MAGI2: variants seen among roughly 807,000 people sequenced by gnomAD.
MAGI2 encodes the protein membrane associated guanylate kinase, WW and PDZ domain containing 2, also known as membrane-associated guanylate kinase, WW and PDZ domain-containing protein 2.
A neutral mutation model predicts 133.3 loss-of-function variants in MAGI2; 35 were observed. The ratio of observed to expected loss-of-function variants is 0.26; its 90% CI spans 0.20 to 0.35. MAGI2 has a LOEUF of 0.35. Ranked by LOEUF, MAGI2 falls within the 10% of genes least tolerant of loss-of-function variation. The pLI is 1.00. For missense variants in MAGI2, 1,636 were observed against 1,863.4 expected (o/e 0.88, Z 2.25); for synonymous variants, 729 against 710.6 (o/e 1.03, Z -0.41).
intron 1 of MAGI2, among the ~76,000 whole-genome samples, chr7:79,108,537 G>A (rs144432477): frequency 2.0e-5 from 3 of 152,272 alleles, no homozygotes; most frequent in Non-Finnish European, 4.4e-5. Flanking sequence ...AATCCTGATT[G>A]TGATTAATAC....
intron 3 of MAGI2, among the ~76,000 whole-genome samples, chr7:78,571,552 A>AT: frequency 6.6e-6 from 1 of 152,204 alleles, no homozygotes; most frequent in Admixed American, 6.5e-5. Flanking sequence ...ACTTTCAGTC[A>AT]TTTTTAATAG....
intron 2 of MAGI2, among the ~76,000 whole-genome samples, chr7:78,631,354 T>C (rs1188116254): frequency 6.6e-6 from 1 of 152,160 alleles, no homozygotes; most frequent in East Asian, 1.9e-4. Flanking sequence ...CGATCTGTAC[T>C]GTCTCTGATC....
At chr7:79,025,815 A>C (rs1809828945) in intron 1 of MAGI2, among the ~76,000 whole-genome samples, 1 of 152,236 alleles carries the variant, frequency 6.6e-6, no homozygotes. Context: ...ACAAAATGGC[A>C]GAAAGACCTA....
At chr7:79,147,172 A>G (rs1822724605) in intron 1 of MAGI2, among the ~76,000 whole-genome samples, 1 of 152,240 alleles carries the variant, frequency 6.6e-6, no homozygotes, top group Non-Finnish European at 1.5e-5. Flanking sequence ...GTAAGTTAAT[A>G]CATGCAAAGA....
Position 78,312,790 on chromosome 7 carries a change from G to T in MAGI2, c.1408+30988C>A, listed in dbSNP as rs533180754. Among the ~76,000 whole-genome samples the T allele has an allele frequency of 1.4e-3, 210 of 151,606 alleles. 3 individuals are homozygous for T. The highest frequency in any genetic ancestry group is 4.8e-3 in the African/African-American group (198 of 41,330). On this transcript the variant is annotated intron_variant, in intron 9 of 21. Coordinates refer to ENST00000354212, the MANE Select transcript of MAGI2 (RefSeq NM_012301.4). The stretch of plus-strand genomic sequence containing the variant: ...TTCCATCCAGCAATCCCACTCAAGG[G>T]TATATACCCAAAGGGAAATATTATA...
chr7:78,099,747 A>G (rs970018652), intron 20 of MAGI2, among the ~76,000 whole-genome samples: 2 of 152,176 alleles, frequency 1.3e-5, no homozygotes, highest in African/African-American at 4.8e-5. Context: ...TCTCTTGGAC[A>G]TTTCCAATGC....
intron 1 of MAGI2, among the ~76,000 whole-genome samples, chr7:79,087,432 C>T (rs573916694): frequency 2.6e-5 from 4 of 151,968 alleles, no homozygotes; most frequent in African/African-American, 9.6e-5. Flanking sequence ...CAGTGTTATA[C>T]ATTGAAGGCT....
chr7:78,045,041 C>T (rs1232849816), intron 21 of MAGI2, among the ~76,000 whole-genome samples: 1 of 152,160 alleles, frequency 6.6e-6, no homozygotes, highest in African/African-American at 2.4e-5. Context: ...GTGGCACATG[C>T]CTGTAGTCCC....
intron 1 of MAGI2, among the ~76,000 whole-genome samples, chr7:79,126,347 T>C (rs1009867373): frequency 6.6e-6 from 1 of 152,170 alleles, no homozygotes; most frequent in African/African-American, 2.4e-5. Flanking sequence ...AAGGTGTGTG[T>C]CCCATCCAAG....
chr7:79,279,139 T>G (rs1835442326), intron 1 of MAGI2, among the ~76,000 whole-genome samples: 1 of 152,120 alleles, frequency 6.6e-6, no homozygotes, highest in South Asian at 2.1e-4. Flanking sequence ...ATCCCTGCTC[T>G]TTTTGAAGCG....
intron 6 of MAGI2, among the ~76,000 whole-genome samples, chr7:78,394,300 C>T (rs965527209): frequency 5.9e-5 from 9 of 152,146 alleles, no homozygotes; most frequent in Non-Finnish European, 1.0e-4. Flanking sequence ...TGGACAAATG[C>T]AAATCCATTC....
At chr7:78,256,608 A>C (rs1193751841) in intron 9 of MAGI2, 27 bp from the exon 10 acceptor site, 2 of 1,586,026 alleles carry the variant, frequency 1.3e-6, no homozygotes, top group African/African-American at 1.4e-5. Flanking sequence ...GATTGACAAC[A>C]TGAGGTAAGT....
intron 2 of MAGI2, among the ~76,000 whole-genome samples, chr7:78,663,705 A>C (rs1177992680): frequency 6.6e-6 from 1 of 152,206 alleles, no homozygotes; most frequent in Admixed American, 6.5e-5. Flanking sequence ...CAATGGAAGG[A>C]AACAGTTAAC....
intron 1 of MAGI2, among the ~76,000 whole-genome samples, chr7:79,016,640 G>C (rs545515728): frequency 3.8e-4 from 58 of 152,100 alleles, no homozygotes; most frequent in African/African-American, 1.4e-3. Flanking sequence ...TCCCTTCCCT[G>C]CCAGATGCGT....
intron 16 of MAGI2, 150 bp from the exon 17 acceptor site, chr7:78,135,356 G>C: frequency 1.4e-6 from 1 of 697,086 alleles, no homozygotes; most frequent in Non-Finnish European, 2.4e-6. Flanking sequence ...TATCAAATGG[G>C]GTCCTGTGCA....
At chr7:78,181,556 A>G in intron 13 of MAGI2, among the ~76,000 whole-genome samples, 1 of 152,206 alleles carries the variant, frequency 6.6e-6, no homozygotes, top group Admixed American at 6.5e-5. Context: ...TTTGGATATT[A>G]GTGTTCAGTG....
intron 2 of MAGI2, among the ~76,000 whole-genome samples, chr7:78,732,043 A>G (rs1821412749): frequency 6.6e-6 from 1 of 152,156 alleles, no homozygotes; most frequent in Non-Finnish European, 1.5e-5. Flanking sequence ...GCAATAAAAC[A>G]GGCAAAAGAA....
chr7:78,744,940 C>A (rs867437577), intron 2 of MAGI2, among the ~76,000 whole-genome samples: 2 of 152,304 alleles, frequency 1.3e-5, no homozygotes, highest in Middle Eastern at 6.8e-3. Context: ...TTCCCAGGTC[C>A]TGTTTGTAAT....
intron 9 of MAGI2, among the ~76,000 whole-genome samples, chr7:78,262,696 T>C (rs1793628193): frequency 6.6e-6 from 1 of 152,190 alleles, no homozygotes; most frequent in Admixed American, 6.5e-5. Flanking sequence ...ATTCAACTAC[T>C]ATGAGCCGGG....
Sources: gnomAD v4.1 joint callset for allele counts (sites outside exome capture counted in the v4.1 genomes callset) on GRCh38, gnomAD v4.1.1 for gene constraint, MANE v1.5 for transcripts, NCBI Gene and HGNC (gene_info 2026-07-23, HGNC 2026-07-21) for gene names.